The following PTCHD4 variants were observed in gnomAD, a reference collection of about 807,000 sequenced individuals.
PTCHD4 encodes the protein patched domain containing 4.
PTCHD4 carries 33 observed loss-of-function variants against 58.1 expected under a neutral mutation model. That is an observed-to-expected ratio of 0.57 (90% CI 0.43 to 0.76). The LOEUF is 0.76. Among genes scored for constraint, PTCHD4 ranks in the 30% least tolerant of loss-of-function variants. The probability of loss-of-function intolerance (pLI) is 0.00; values close to 1 mark genes in which losing one functional copy is unlikely to be tolerated. For missense variants in PTCHD4, 1,058 were observed against 1,027.1 expected, an observed-to-expected ratio of 1.03 and a Z score of -0.41; for synonymous variants, 478 against 409.6, an observed-to-expected ratio of 1.17 and a Z score of -2.02.
intron 4 of PTCHD4, among the ~76,000 whole-genome samples, chr6:47,925,255 A>G (rs1765570951): frequency 6.6e-6 from 1 of 151,662 alleles, no homozygotes; most frequent in Non-Finnish European, 1.5e-5. Flanking sequence ...TCCAGCATCT[A>G]AGCTTCATGA....
intron 4 of PTCHD4, among the ~76,000 whole-genome samples, chr6:47,896,164 G>T (rs1004901495): frequency 6.6e-6 from 1 of 152,186 alleles, no homozygotes; most frequent in Admixed American, 6.5e-5. Flanking sequence ...TTTACCTGCT[G>T]TGAATTGTTA....
At chr6:47,911,967 C>T (rs943692829) in intron 4 of PTCHD4, among the ~76,000 whole-genome samples, 7 of 151,928 alleles carry the variant, frequency 4.6e-5, no homozygotes, top group African/African-American at 9.7e-5. Context: ...GAAGCAGCAT[C>T]CAGGGAGGTA....
intron 4 of PTCHD4, among the ~76,000 whole-genome samples, chr6:47,971,590 A>G (rs1335579493): frequency 6.6e-6 from 1 of 152,212 alleles, no homozygotes; most frequent in Non-Finnish European, 1.5e-5. Context: ...AATTTCAGAA[A>G]GAAGTTTCTA....
At chr6:48,040,642 A>G (rs1194356459) in intron 3 of PTCHD4, among the ~76,000 whole-genome samples, 1 of 152,102 alleles carries the variant, frequency 6.6e-6, no homozygotes, top group Non-Finnish European at 1.5e-5. Context: ...AGAAAAAGTA[A>G]AAACTATGTA....
chr6:48,017,150 A>C (rs1168724452), intron 3 of PTCHD4, among the ~76,000 whole-genome samples: 1 of 152,148 alleles, frequency 6.6e-6, no homozygotes, highest in Non-Finnish European at 1.5e-5. Context: ...TTTCTAACTT[A>C]TATATCTTTG....
rs1011578290 is a variant in PTCHD4 at position 47,867,794 on chromosome 6, C to T, written c.*10509G>A. On this transcript the variant is annotated 3_prime_UTR_variant, in exon 5 of 5. Transcript: ENST00000339488. ...TGAATACTCCAGCTGCAAATTTCCT[C>T]AACAGATCATGCATACCTCAAAGTC... Among the ~76,000 whole-genome samples, 1 of 151,724 alleles carries T rather than the reference C, an allele frequency of 6.6e-6. No homozygotes were observed. Among genetic ancestry groups the T allele is most frequent in the Non-Finnish European group, 1.5e-5 (1 of 67,822 alleles).
At chr6:48,027,988 C>A (rs1376573257) in intron 3 of PTCHD4, among the ~76,000 whole-genome samples, 1 of 152,076 alleles carries the variant, frequency 6.6e-6, no homozygotes, top group East Asian at 1.9e-4. Context: ...ATTGCTCAGG[C>A]TGGGGTATAG....
rs1763638967 is a variant in PTCHD4 at position 47,868,690 on chromosome 6, T to C, written c.*9613A>G. ...GCAAACTTTATTTAGTATTTGCAAA[T>C]AGGTTCCAAATGTCCAGCTTAATTT... On this transcript the variant is annotated 3_prime_UTR_variant, in exon 5 of 5. Coordinates refer to ENST00000339488, the MANE Select transcript of PTCHD4 (RefSeq NM_001384253.1). 1.3e-5 allele frequency among the ~76,000 whole-genome samples: 2 copies of C among 151,872 alleles called. No homozygotes were observed. The highest frequency in any genetic ancestry group is 1.9e-4 in the East Asian group (1 of 5,136).
chr6:47,869,416 C>T lies in PTCHD4; in HGVS notation c.*8887G>A, dbSNP rs867335528. Among the ~76,000 whole-genome samples, 1 of 151,638 alleles carries T rather than the reference C, an allele frequency of 6.6e-6. No individual in the cohort carries two copies. The highest frequency in any genetic ancestry group is 1.5e-5 in the Non-Finnish European group (1 of 67,784). ...AGTATTTTTATAGTTAATATTACTA[C>T]AATAATGCAATGTAATGCAGTGATA... On this transcript the variant is annotated 3_prime_UTR_variant, in exon 5 of 5. Transcript: ENST00000339488.
chr6:48,024,891 C>T (rs1176837311), intron 3 of PTCHD4, among the ~76,000 whole-genome samples: 2 of 152,158 alleles, frequency 1.3e-5, no homozygotes, highest in Non-Finnish European at 2.9e-5. Flanking sequence ...TTTATTTTAT[C>T]ACCTATCTTT....
At chr6:47,916,504 C>G (rs184202120) in intron 4 of PTCHD4, among the ~76,000 whole-genome samples, 4 of 152,000 alleles carry the variant, frequency 2.6e-5, no homozygotes, top group Non-Finnish European at 4.4e-5. Flanking sequence ...AATAATCAGT[C>G]GATTAGGAAA....
chr6:48,104,206 G>A (rs1409142857), intron 1 of PTCHD4, among the ~76,000 whole-genome samples: 1 of 152,170 alleles, frequency 6.6e-6, no homozygotes, highest in African/African-American at 2.4e-5. Flanking sequence ...AGAGAGAAAG[G>A]TCGGGTTACC....
chr6:47,897,971 G>C (rs545607029), intron 4 of PTCHD4, among the ~76,000 whole-genome samples: 2 of 101,088 alleles, frequency 2.0e-5, no homozygotes, highest in South Asian at 3.5e-4. Flanking sequence ...TTTTGAGACA[G>C]AGTCGCTTTG....
chr6:47,952,230 C>A (rs1334488085), intron 4 of PTCHD4, among the ~76,000 whole-genome samples: 2 of 152,092 alleles, frequency 1.3e-5, no homozygotes, highest in African/African-American at 2.4e-5. Flanking sequence ...TAAGCTTTTA[C>A]AATAGAGTTC....
chr6:48,025,946 A>G (rs1263359579), intron 3 of PTCHD4, among the ~76,000 whole-genome samples: 3 of 152,088 alleles, frequency 2.0e-5, no homozygotes, highest in Non-Finnish European at 4.4e-5. Flanking sequence ...TTAAAGGGCA[A>G]TGACTCCTAC....
chr6:47,915,297 A>G (rs748266719), intron 4 of PTCHD4, among the ~76,000 whole-genome samples: 30 of 152,136 alleles, frequency 2.0e-4, no homozygotes, highest in Non-Finnish European at 4.0e-4. Context: ...ATTGCTAGGT[A>G]TGTTGATTTA....
chr6:48,041,459 T>C (rs191306980), intron 3 of PTCHD4, among the ~76,000 whole-genome samples: 70 of 152,144 alleles, frequency 4.6e-4, no homozygotes, highest in African/African-American at 1.6e-3. Flanking sequence ...AAATCTCTCC[T>C]CAGTACCAGT....
chr6:48,048,869 G>A (rs1445163317), intron 3 of PTCHD4, among the ~76,000 whole-genome samples: 5 of 151,958 alleles, frequency 3.3e-5, no homozygotes, highest in African/African-American at 1.2e-4. Flanking sequence ...GTGTTTCTTA[G>A]TGGCTTTCAC....
intron 4 of PTCHD4, among the ~76,000 whole-genome samples, chr6:47,942,835 C>T (rs915954601): frequency 2.0e-5 from 3 of 152,166 alleles, no homozygotes; most frequent in Non-Finnish European, 4.4e-5. Context: ...AGGTGCAAAA[C>T]GATTCCCTCT....
Sources: allele counts gnomAD v4.1 joint callset (sites outside exome capture counted in the v4.1 genomes callset), GRCh38; gene constraint gnomAD v4.1.1; transcripts MANE v1.5; gene names NCBI Gene and HGNC (gene_info 2026-07-23, HGNC 2026-07-21).